Variants in FMN1 observed in about 807,000 individuals in gnomAD.
FMN1 encodes formin 1, also known as formin-1.
A neutral mutation model predicts 132.4 loss-of-function variants in FMN1; 110 were observed. That is an observed-to-expected ratio of 0.83 (90% CI 0.71 to 0.97). The LOEUF (loss-of-function observed/expected upper bound fraction) is 0.97, where lower values mean the gene tolerates loss of function less well. Ranked by LOEUF, FMN1 falls within the 50% of genes least tolerant of loss-of-function variation. The probability of loss-of-function intolerance (pLI) is 0.00; values close to 1 mark genes in which losing one functional copy is unlikely to be tolerated. For missense variants in FMN1, 1,792 were observed against 1,705.3 expected (o/e 1.05, Z -0.90); for synonymous variants, 722 against 651.7 (o/e 1.11, Z -1.64).
intron 9 of FMN1, among the ~76,000 whole-genome samples, chr15:32,930,377 T>G (rs1019796869): frequency 2.0e-5 from 3 of 152,234 alleles, no homozygotes; most frequent in East Asian, 1.9e-4. Context: ...GGTCCCACTT[T>G]GTCTACATCC....
intron 4 of FMN1, among the ~76,000 whole-genome samples, chr15:33,098,515 G>C (rs554403369): frequency 6.6e-6 from 1 of 152,316 alleles, no homozygotes; most frequent in South Asian, 2.1e-4. Context: ...CAATGACACA[G>C]GAGGTTCCTC....
At chr15:32,995,495 G>A (rs539527610) in intron 7 of FMN1, among the ~76,000 whole-genome samples, 16 of 152,200 alleles carry the variant, frequency 1.1e-4, no homozygotes, top group South Asian at 6.2e-4. Context: ...CTCTGAGTAC[G>A]GAACCTATAT....
intron 15 of FMN1, among the ~76,000 whole-genome samples, chr15:32,893,919 A>G (rs2060091673): frequency 6.6e-6 from 1 of 152,230 alleles, no homozygotes; most frequent in African/African-American, 2.4e-5. Context: ...GCCCATGCCA[A>G]CCTAGGGTTA....
chr15:33,109,560 G>T (rs1566923259), intron 4 of FMN1, among the ~76,000 whole-genome samples: 1 of 152,024 alleles, frequency 6.6e-6, no homozygotes, highest in Non-Finnish European at 1.5e-5. Flanking sequence ...GGAGCTGGAG[G>T]CTACTATCCT....
intron 16 of FMN1, among the ~76,000 whole-genome samples, chr15:32,873,114 A>G (rs2059555271): frequency 6.6e-6 from 1 of 152,242 alleles, no homozygotes; most frequent in Non-Finnish European, 1.5e-5. Context: ...CATTTAAAAA[A>G]ATCCTATTCC....
Position 33,193,163 on chromosome 15 carries a change from A to G in FMN1, c.-197+746T>C, listed in dbSNP as rs185739094. ...TGAGAGAAAGGAGACTAGTGTTTAG[A>G]TATCTGATCAAGAAGACCCGAGACC... On this transcript the variant is annotated intron_variant, in intron 2 of 20. Transcript: ENST00000616417. 2.4e-3 allele frequency among the ~76,000 whole-genome samples: 372 copies of G among 152,296 alleles called. 1 individual carries two copies. Among genetic ancestry groups the G allele is most frequent in the African/African-American group, 8.3e-3 (345 of 41,556 alleles).
chr15:32,988,565 A>G (rs1229776720), intron 7 of FMN1, among the ~76,000 whole-genome samples: 1 of 152,180 alleles, frequency 6.6e-6, no homozygotes, highest in Non-Finnish European at 1.5e-5. Context: ...TTGGCAGAGC[A>G]ATTTCCACAT....
At chr15:33,068,836 G>C (rs1331788840) in intron 5 of FMN1, among the ~76,000 whole-genome samples, 4 of 152,166 alleles carry the variant, frequency 2.6e-5, no homozygotes, top group African/African-American at 9.7e-5. Flanking sequence ...GGGTGGCAGA[G>C]TAAACAGCCC....
At chr15:32,784,461 G>A (rs1373599835) in intron 19 of FMN1, among the ~76,000 whole-genome samples, 3 of 151,176 alleles carry the variant, frequency 2.0e-5, no homozygotes, top group Non-Finnish European at 4.4e-5. Flanking sequence ...TCCTCTTCAG[G>A]AGAAAGACAA....
At chr15:33,031,162 T>C (rs993470776) in intron 6 of FMN1, among the ~76,000 whole-genome samples, 1 of 152,108 alleles carries the variant, frequency 6.6e-6, no homozygotes, top group Admixed American at 6.5e-5. Flanking sequence ...TAATAAGAAA[T>C]ACAGCCAGGA....
chr15:33,168,802 C>T (rs1965207580), intron 3 of FMN1, among the ~76,000 whole-genome samples: 1 of 152,186 alleles, frequency 6.6e-6, no homozygotes, highest in East Asian at 1.9e-4. Context: ...TAACTAGCCG[C>T]TATTCCTTGA....
intron 6 of FMN1, among the ~76,000 whole-genome samples, chr15:33,044,757 A>C (rs2036600170): frequency 6.6e-6 from 1 of 152,186 alleles, no homozygotes; most frequent in African/African-American, 2.4e-5. Flanking sequence ...CTCTCTGCTG[A>C]GAGCTGAAAA....
intron 17 of FMN1, among the ~76,000 whole-genome samples, chr15:32,836,351 T>A (rs551084454): frequency 6.6e-6 from 1 of 152,338 alleles, no homozygotes; most frequent in African/African-American, 2.4e-5. Context: ...GGCAAAACTT[T>A]TAAAAGCTTT....
intron 4 of FMN1, among the ~76,000 whole-genome samples, chr15:33,141,441 A>G (rs1469670110): frequency 2.0e-5 from 3 of 152,202 alleles, no homozygotes; most frequent in African/African-American, 7.2e-5. Flanking sequence ...TATGGGTAAC[A>G]TAACGTCACC....
At position 33,067,760 on chromosome 15, in the gene FMN1, G is replaced by A. The variant is rs202063843; in HGVS notation, c.2044-2686C>T. 192 of 1,613,934 alleles carry A rather than the reference G, an allele frequency of 1.2e-4. No homozygotes were observed. The African/African-American group carries it at 2.1e-3, about 17-fold the overall frequency. ...TGGATTCACAGATTCTAATTTACTC[G>A]TAAACCCAAATAGGGATTTCATAGA... On this transcript the variant is annotated intron_variant, in intron 5 of 20. Transcript: ENST00000616417.
intron 16 of FMN1, among the ~76,000 whole-genome samples, chr15:32,861,513 C>T (rs540136067): frequency 1.7e-4 from 26 of 152,264 alleles, no homozygotes; most frequent in South Asian, 1.0e-3. Flanking sequence ...GGGGACCTCC[C>T]GCAACACAGG....
At position 33,176,505 on chromosome 15, in the gene FMN1, CCAAAA is replaced by C. The variant is rs1401073859; in HGVS notation, c.-132+3688_-132+3692del. On this transcript the variant is annotated intron_variant, in intron 3 of 20. Coordinates refer to ENST00000616417, the MANE Select transcript of FMN1 (RefSeq NM_001277313.2). ...TGGGCGACAGAGTGAGACCCTGTCT[CCAAAA>C]AAAAAAAAAAAAAAAAAAATCATTC... Among the ~76,000 whole-genome samples the C allele has an allele frequency of 3.0e-3, 147 of 49,662 alleles. 1 individual carries two copies. Among genetic ancestry groups the C allele is most frequent in the African/African-American group, 0.01 (140 of 13,566 alleles). The allele number at this position is 49,662 out of a possible 152,430, so 32.6% of individuals were successfully genotyped here.
At chr15:33,109,834 G>T (rs2039629166) in intron 4 of FMN1, among the ~76,000 whole-genome samples, 1 of 129,030 alleles carries the variant, frequency 7.8e-6, no homozygotes, top group Admixed American at 8.3e-5. Context: ...AATCTAAAAT[G>T]AAAGTTAAAA....
At chr15:32,945,765 T>C (rs2061496375) in intron 9 of FMN1, among the ~76,000 whole-genome samples, 1 of 151,472 alleles carries the variant, frequency 6.6e-6, no homozygotes, top group African/African-American at 2.4e-5. Flanking sequence ...TGTGTAGAGG[T>C]GAAGAGCCAG....
Sources: allele counts gnomAD v4.1 joint callset (sites outside exome capture counted in the v4.1 genomes callset), GRCh38; gene constraint gnomAD v4.1.1; transcripts MANE v1.5; gene names NCBI Gene and HGNC (gene_info 2026-07-23, HGNC 2026-07-21).